WDR7: variants seen among roughly 807,000 people sequenced by gnomAD.
WDR7 encodes the protein WD repeat-containing protein 7.
Under a neutral mutation model 169.4 loss-of-function variants are expected in WDR7, and 46 were observed. That is an observed-to-expected ratio of 0.27 (90% confidence interval 0.21 to 0.35). The LOEUF is 0.35. Among genes scored for constraint, WDR7 ranks in the 10% least tolerant of loss-of-function variants. The pLI, the probability that WDR7 is intolerant of heterozygous loss-of-function variation, is 1.00. For missense variants in WDR7, 1,534 were observed against 1,859.3 expected, an observed-to-expected ratio of 0.83 and a Z score of 3.22; for synonymous variants, 612 against 666.8, an observed-to-expected ratio of 0.92 and a Z score of 1.27.
chr18:56,723,390 A>C (rs935509796), intron 13 of WDR7, among the ~76,000 whole-genome samples: 20 of 151,550 alleles, frequency 1.3e-4, no homozygotes, highest in African/African-American at 4.8e-4. Flanking sequence ...TTTTTCTTTT[A>C]GTGTAGGTCT....
At chr18:56,983,737 C>T (rs373115882) in intron 26 of WDR7, among the ~76,000 whole-genome samples, 1 of 152,102 alleles carries the variant, frequency 6.6e-6, no homozygotes, top group East Asian at 1.9e-4. Flanking sequence ...TAGCATCTTA[C>T]TAAACAATAT....
intron 22 of WDR7, among the ~76,000 whole-genome samples, chr18:56,928,724 A>G (rs1004516831): frequency 2.0e-5 from 3 of 152,184 alleles, no homozygotes; most frequent in African/African-American, 7.2e-5. Flanking sequence ...TGTTTTAGAG[A>G]AATTCAAGAA....
At chr18:56,976,131 C>T (rs907280385) in intron 26 of WDR7, among the ~76,000 whole-genome samples, 6 of 152,078 alleles carry the variant, frequency 3.9e-5, no homozygotes, top group Non-Finnish European at 7.3e-5. Flanking sequence ...CCAGCACAGT[C>T]GATCAGGGCT....
chr18:57,014,662 G>GAA (rs112574282), intron 26 of WDR7, among the ~76,000 whole-genome samples: 23 of 146,128 alleles, frequency 1.6e-4, no homozygotes, highest in African/African-American at 2.0e-4. Flanking sequence ...TGTCTCAAAA[G>GAA]AAAAAAAAAA....
At chr18:56,752,092 A>G (rs534174402) in intron 14 of WDR7, among the ~76,000 whole-genome samples, 24 of 152,310 alleles carry the variant, frequency 1.6e-4, no homozygotes, top group Admixed American at 1.4e-3. Context: ...TGCATAAAGT[A>G]GTCTGGGGTG....
intron 26 of WDR7, among the ~76,000 whole-genome samples, chr18:56,971,826 G>T (rs868831987): frequency 3.0e-4 from 46 of 152,148 alleles, no homozygotes; most frequent in African/African-American, 9.9e-4. Flanking sequence ...TGATGTGTGT[G>T]AACGGTCCAT....
intron 12 of WDR7, among the ~76,000 whole-genome samples, chr18:56,702,528 T>C (rs971961313): frequency 3.9e-5 from 6 of 152,236 alleles, no homozygotes; most frequent in African/African-American, 7.2e-5. Context: ...TGCCAACTTA[T>C]TGAATTGTGG....
At chr18:56,674,075 A>G (rs1007701066) in intron 2 of WDR7, among the ~76,000 whole-genome samples, 6 of 152,102 alleles carry the variant, frequency 3.9e-5, no homozygotes, top group African/African-American at 1.4e-4. Flanking sequence ...TAATGCTGCT[A>G]TGAGTATTAC....
intron 20 of WDR7, among the ~76,000 whole-genome samples, chr18:56,827,880 CAA>C (rs1429616576): frequency 6.6e-6 from 1 of 151,746 alleles, no homozygotes; most frequent in African/African-American, 2.4e-5. Context: ...CAGCAAAAAA[CAA>C]AAAAGATTGT....
intron 19 of WDR7, among the ~76,000 whole-genome samples, chr18:56,803,382 ATTTGTGTG>A (rs1330555415): frequency 1.3e-5 from 2 of 152,112 alleles, no homozygotes; most frequent in African/African-American, 2.4e-5. Flanking sequence ...AAGCGTTCCT[ATTTGTGTG>A]TTTGTGTGTG....
intron 13 of WDR7, among the ~76,000 whole-genome samples, chr18:56,727,267 TTTCA>T (rs1161808414): frequency 6.6e-6 from 1 of 152,110 alleles, no homozygotes; most frequent in Non-Finnish European, 1.5e-5. Flanking sequence ...TAATTTGAAT[TTTCA>T]AAATCTTTAA....
At chr18:56,975,231 G>A (rs976568249) in intron 26 of WDR7, among the ~76,000 whole-genome samples, 2 of 151,988 alleles carry the variant, frequency 1.3e-5, no homozygotes, top group East Asian at 1.9e-4. Context: ...GCAAGACTCC[G>A]TCTCGGGGGT....
At chr18:56,950,539 A>G (rs2047166896) in intron 25 of WDR7, among the ~76,000 whole-genome samples, 1 of 152,208 alleles carries the variant, frequency 6.6e-6, no homozygotes, top group African/African-American at 2.4e-5. Flanking sequence ...AGAACCACTG[A>G]TGTAGTGAAA....
At chr18:56,680,293 G>GGCTGTTATGAGCTGTGAT (rs2025327967) in intron 3 of WDR7, among the ~76,000 whole-genome samples, 1 of 152,172 alleles carries the variant, frequency 6.6e-6, no homozygotes, top group South Asian at 2.1e-4. Flanking sequence ...AGGAGATTGA[G>GGCTGTTATGAGCTGTGAT]GCTGTTATGA....
Position 56,938,662 on chromosome 18 carries a change from G to C in WDR7, c.3961G>C (p.Val1321Leu). The change falls in exon 24 of 28, where the codon GTT becomes CTT. Residue 1321 changes from valine to leucine, a missense_variant. Coordinates refer to ENST00000254442, the MANE Select transcript of WDR7 (RefSeq NM_015285.3). ...EILIEKMPTD[V>L]VDLLVEVMDI... The stretch of plus-strand genomic sequence containing the variant: ...TCTTATTGAAAAGATGCCCACAGAT[G>C]TTGTGGATCTTCTCGTGGAGGTAAG... 1 of 1,613,600 alleles carries C rather than the reference G, an allele frequency of 6.2e-7. No individual in the cohort carries two copies. The highest frequency in any genetic ancestry group is 8.5e-7 in the Non-Finnish European group (1 of 1,179,800).
At chr18:56,883,522 A>G (rs1432724877) in intron 21 of WDR7, among the ~76,000 whole-genome samples, 1 of 149,414 alleles carries the variant, frequency 6.7e-6, no homozygotes, top group African/African-American at 2.5e-5. Context: ...TTTTTTTTAA[A>G]TTTCAATAGG....
intron 4 of WDR7, 34 bp downstream of exon 4, chr18:56,681,425 C>A: frequency 2.3e-6 from 3 of 1,303,426 alleles, no homozygotes; most frequent in Admixed American, 2.5e-5. Context: ...TAAGTACAAA[C>A]TATTATAAGT....
At chr18:56,659,857 T>G (rs980740969) in intron 1 of WDR7, among the ~76,000 whole-genome samples, 2 of 147,530 alleles carry the variant, frequency 1.4e-5, no homozygotes, top group Admixed American at 1.4e-4. Flanking sequence ...CACAGCATGA[T>G]TTTTTTTTTT....
intron 12 of WDR7, among the ~76,000 whole-genome samples, chr18:56,715,301 G>C (rs959119769): frequency 3.9e-5 from 6 of 152,112 alleles, no homozygotes; most frequent in African/African-American, 1.2e-4. Context: ...ATCTCCAGTA[G>C]GGCAGAATTT....
Sources: gnomAD v4.1 joint callset for allele counts (sites outside exome capture counted in the v4.1 genomes callset) on GRCh38, gnomAD v4.1.1 for gene constraint, MANE v1.5 for transcripts, NCBI Gene and HGNC (gene_info 2026-07-23, HGNC 2026-07-21) for gene names.